The following PHACTR1 variants were observed in gnomAD, a reference collection of about 807,000 sequenced individuals.
PHACTR1 encodes phosphatase and actin regulator 1, also known as RPEL repeat containing 1.
A neutral mutation model predicts 69.2 loss-of-function variants in PHACTR1; 16 were observed. The observed-to-expected ratio is 0.23, with a 90% CI of 0.16 to 0.35. The LOEUF (loss-of-function observed/expected upper bound fraction) is 0.35, where lower values mean the gene tolerates loss of function less well. Among genes scored for constraint, PHACTR1 ranks in the 10% least tolerant of loss-of-function variants. The pLI is 1.00. For missense variants in PHACTR1, 510 were observed against 734.7 expected (o/e 0.69, Z 3.54); for synonymous variants, 312 against 284.5 (o/e 1.10, Z -0.97).
At chr6:12,874,027 G>A (rs553883697) in intron 4 of PHACTR1, among the ~76,000 whole-genome samples, 3 of 152,190 alleles carry the variant, frequency 2.0e-5, no homozygotes, top group Non-Finnish European at 4.4e-5. Context: ...TACAGAAAAT[G>A]TTTGCCAACT....
intron 3 of PHACTR1, among the ~76,000 whole-genome samples, chr6:12,734,709 G>A (rs1764013629): frequency 6.6e-6 from 1 of 152,134 alleles, no homozygotes; most frequent in African/African-American, 2.4e-5. Flanking sequence ...TGGTGGTACT[G>A]GAGACAGGAA....
chr6:12,734,420 T>A (rs187450306), intron 3 of PHACTR1, among the ~76,000 whole-genome samples: 17 of 152,284 alleles, frequency 1.1e-4, no homozygotes, highest in African/African-American at 3.8e-4. Context: ...TATGCCTGAA[T>A]CCTTGTAATG....
intron 3 of PHACTR1, among the ~76,000 whole-genome samples, chr6:12,724,126 G>A (rs982395360): frequency 3.9e-5 from 6 of 152,038 alleles, no homozygotes; most frequent in South Asian, 2.1e-4. Flanking sequence ...TCAGGAGTTC[G>A]AGACCAATCT....
intron 4 of PHACTR1, among the ~76,000 whole-genome samples, chr6:12,874,138 G>A (rs922145496): frequency 6.6e-6 from 1 of 152,306 alleles, no homozygotes; most frequent in South Asian, 2.1e-4. Flanking sequence ...GACTGGGTGG[G>A]CCTAAAGTTC....
intron 2 of PHACTR1, chr6:12,718,224 G>A (rs1427262410): frequency 6.6e-6 from 1 of 152,240 alleles, no homozygotes; most frequent in African/African-American, 2.4e-5. Context: ...ATATGTCAGT[G>A]TGTGTCATAA....
chr6:12,773,011 T>G (rs932062417), intron 4 of PHACTR1, among the ~76,000 whole-genome samples: 1 of 152,154 alleles, frequency 6.6e-6, no homozygotes, highest in Admixed American at 6.5e-5. Flanking sequence ...AATATGGATG[T>G]GATAATAACA....
At chr6:13,177,277 G>T (rs1233155359) in intron 6 of PHACTR1, among the ~76,000 whole-genome samples, 1 of 150,654 alleles carries the variant, frequency 6.6e-6, no homozygotes, top group East Asian at 1.9e-4. Context: ...TTGAACCTAG[G>T]AGGTAAAGTC....
At chr6:13,218,835 AG>A in intron 8 of PHACTR1, among the ~76,000 whole-genome samples, 1 of 149,338 alleles carries the variant, frequency 6.7e-6, no homozygotes, top group Non-Finnish European at 1.5e-5. Flanking sequence ...GGAGAAAAAG[AG>A]GAGGAGGAGG....
intron 5 of PHACTR1, among the ~76,000 whole-genome samples, chr6:13,153,565 AAGT>A (rs1427219093): frequency 6.6e-6 from 1 of 152,226 alleles, no homozygotes; most frequent in Non-Finnish European, 1.5e-5. Context: ...ATGTTTCTAG[AAGT>A]AGTCTTTGCA....
intron 8 of PHACTR1, among the ~76,000 whole-genome samples, chr6:13,213,817 G>A (rs565350081): frequency 6.6e-6 from 1 of 152,230 alleles, no homozygotes; most frequent in Admixed American, 6.5e-5. Flanking sequence ...TTCCAGCCCC[G>A]ACAACTGTGA....
At chr6:13,010,937 C>T (rs1022905501) in intron 4 of PHACTR1, among the ~76,000 whole-genome samples, 1 of 152,218 alleles carries the variant, frequency 6.6e-6, no homozygotes, top group African/African-American at 2.4e-5. Context: ...CGCACATCAG[C>T]CCTGCTGCCT....
At chr6:12,789,339 C>T (rs549004608) in intron 4 of PHACTR1, among the ~76,000 whole-genome samples, 12 of 152,190 alleles carry the variant, frequency 7.9e-5, no homozygotes, top group East Asian at 5.8e-4. Context: ...CTCAAGCCAT[C>T]GATTACTTAT....
chr6:13,021,274 A>G (rs1800938517), intron 4 of PHACTR1, among the ~76,000 whole-genome samples: 1 of 152,246 alleles, frequency 6.6e-6, no homozygotes. Flanking sequence ...TACCTTATAT[A>G]TGGTAGCCAT....
chr6:13,035,483 T>C (rs1475744490), intron 4 of PHACTR1, among the ~76,000 whole-genome samples: 1 of 152,142 alleles, frequency 6.6e-6, no homozygotes, highest in Non-Finnish European at 1.5e-5. Context: ...TCTGTTTAAA[T>C]AATTCCTACA....
chr6:13,222,650 A>G (rs1768861365), intron 8 of PHACTR1, among the ~76,000 whole-genome samples: 1 of 152,206 alleles, frequency 6.6e-6, no homozygotes, highest in African/African-American at 2.4e-5. Context: ...GCCACTGTGG[A>G]TGCTCTAGGC....
At chr6:13,184,898 C>T in intron 7 of PHACTR1, 3 of 1,366,612 alleles carry the variant, frequency 2.2e-6, no homozygotes, top group African/African-American at 1.5e-5. Flanking sequence ...AAACCTGCTG[C>T]TTTCCCTGGA....
At chr6:12,917,802 A>G (rs187735376) in intron 4 of PHACTR1, among the ~76,000 whole-genome samples, 1 of 152,240 alleles carries the variant, frequency 6.6e-6, no homozygotes, top group East Asian at 1.9e-4. Context: ...AGCAGCTCAA[A>G]CCGAGAGGTG....
At chr6:12,982,281 T>A (rs1222476696) in intron 4 of PHACTR1, among the ~76,000 whole-genome samples, 1 of 152,182 alleles carries the variant, frequency 6.6e-6, no homozygotes, top group Non-Finnish European at 1.5e-5. Flanking sequence ...CAGGTTCTAG[T>A]CCCCAAAGCA....
chr6:13,141,170 C>T (rs1822376750), intron 5 of PHACTR1, among the ~76,000 whole-genome samples: 1 of 152,146 alleles, frequency 6.6e-6, no homozygotes. Context: ...TTCCCATCAG[C>T]CCCATGGCCA....
Sources: gnomAD v4.1 joint callset for allele counts (sites outside exome capture counted in the v4.1 genomes callset) on GRCh38, gnomAD v4.1.1 for gene constraint, MANE v1.5 for transcripts, NCBI Gene and HGNC (gene_info 2026-07-23, HGNC 2026-07-21) for gene names.